Variants in SBNO1 observed in about 807,000 individuals in gnomAD.
SBNO1 encodes the protein protein strawberry notch homolog 1.
SBNO1 carries 23 observed loss-of-function variants against 173.6 expected under a neutral mutation model. That is an observed-to-expected ratio of 0.13 (90% CI 0.10 to 0.19). The LOEUF (loss-of-function observed/expected upper bound fraction) is 0.19. SBNO1 is among the 10% of genes least tolerant of loss of function. SBNO1 has a pLI of 1.00. For missense variants in SBNO1, 1,238 were observed against 1,671.2 expected (o/e 0.74, Z 4.52); for synonymous variants, 632 against 571.5 (o/e 1.11, Z -1.51).
intron 1 of SBNO1, among the ~76,000 whole-genome samples, chr12:123,353,337 G>C (rs1183053988): frequency 1.3e-5 from 2 of 152,182 alleles, no homozygotes; most frequent in African/African-American, 4.8e-5. Context: ...CACGCAGGAA[G>C]TGGTAGAAGA....
intron 1 of SBNO1, among the ~76,000 whole-genome samples, chr12:123,353,405 G>C (rs190907911): frequency 9.2e-5 from 14 of 152,198 alleles, no homozygotes; most frequent in Admixed American, 3.9e-4. Flanking sequence ...CCAATGAGTA[G>C]ATAAAGTTGA....
In SBNO1 at chr12:123,309,874, A is replaced by G; in HGVS notation, c.3296-18T>C. ...GTTATAATCTGTAATGACAAAAGATAAACGTTTTCATGCAAATGATAATTA... is the reference window on the plus strand; with the variant it reads ...GTTATAATCTGTAATGACAAAAGATGAACGTTTTCATGCAAATGATAATTA... On this transcript the variant is annotated intron_variant, in intron 25 of 31. Coordinates refer to ENST00000602398, the MANE Select transcript of SBNO1 (RefSeq NM_001167856.3). 1 of 1,549,442 alleles carries G rather than the reference A, an allele frequency of 6.5e-7. No individual in the cohort carries two copies.
chr12:123,297,919 G>GA lies in SBNO1; in HGVS notation c.4039+58dup, dbSNP rs1403151361. 4.0e-5 allele frequency: 61 copies of GA among 1,519,248 alleles called. No individual in the cohort carries two copies. In the East Asian group the frequency reaches 1.4e-3, roughly 34 times the overall value. 94.1% of individuals were successfully genotyped at this position (1,519,248 alleles called of 1,614,324 possible). ...AATAAAGCTAAGATATTAGCAATGA[G>GA]AAAAAAGTCGGATCCGATTTTTTCC... is the stretch of plus-strand genomic sequence containing the variant. On this transcript the variant is annotated intron_variant, in intron 31 of 31. Coordinates refer to ENST00000602398, the MANE Select transcript of SBNO1 (RefSeq NM_001167856.3).
chr12:123,341,160 G>A, intron 4 of SBNO1, 72 bp from the exon 5 acceptor site: 1 of 916,456 alleles, frequency 1.1e-6, no homozygotes, highest in South Asian at 1.7e-5. Context: ...TAAAAATCCA[G>A]AAGTTTAAGG....
chr12:123,335,634 AT>A (rs1871753077), intron 6 of SBNO1, among the ~76,000 whole-genome samples: 1 of 152,190 alleles, frequency 6.6e-6, no homozygotes, highest in Admixed American at 6.6e-5. Context: ...ACTACTTAAC[AT>A]TGCTGCTGTA....
At chr12:123,327,029 G>A (rs1224668707) in intron 13 of SBNO1, among the ~76,000 whole-genome samples, 2 of 152,044 alleles carry the variant, frequency 1.3e-5, no homozygotes, top group African/African-American at 4.8e-5. Context: ...GTTTTGCGAT[G>A]GAGTATCCCT....
At position 123,294,740 on chromosome 12, in the gene SBNO1, T is replaced by C. The variant is rs2048568057; in HGVS notation, c.*1168A>G. 1 of 158,970 alleles carries C rather than the reference T, an allele frequency of 6.3e-6. No homozygotes were observed. Among genetic ancestry groups the C allele is most frequent in the Non-Finnish European group, 1.4e-5 (1 of 73,840 alleles). 9.8% of individuals were successfully genotyped at this position (158,970 alleles called of 1,614,324 possible). On this transcript the variant is annotated 3_prime_UTR_variant, in exon 32 of 32. Transcript: ENST00000602398. Reference sequence around the variant, plus strand: ...CTCACTTGTTTTTATAAACATCTATTATAGGCGAAACAAAACTTACCCATA... The same window carrying C: ...CTCACTTGTTTTTATAAACATCTATCATAGGCGAAACAAAACTTACCCATA...
At chr12:123,298,212 A>G (rs370250851) in intron 30 of SBNO1, 41 bp from the exon 31 acceptor site, 62 of 1,521,488 alleles carry the variant, frequency 4.1e-5, no homozygotes, top group South Asian at 1.8e-4. Flanking sequence ...GTGTCTATAT[A>G]TGCACACAGA....
intron 5 of SBNO1, 47 bp from the exon 6 acceptor site, chr12:123,336,538 C>T (rs1041106204): frequency 2.3e-5 from 29 of 1,243,198 alleles, no homozygotes; most frequent in African/African-American, 6.0e-5. Flanking sequence ...AGGGACCAGA[C>T]GCCCAGCCAA....
At chr12:123,319,628 C>A (rs1226348098) in intron 20 of SBNO1, among the ~76,000 whole-genome samples, 2 of 150,646 alleles carry the variant, frequency 1.3e-5, no homozygotes, top group Non-Finnish European at 3.0e-5. Flanking sequence ...AGGCTGGTCT[C>A]AAACTCCAGA....
rs1389784906 is a variant in SBNO1 at position 123,320,881 on chromosome 12, A to AAG, written c.2324-17_2324-16dup. On this transcript the variant is annotated splice_polypyrimidine_tract_variant and intron_variant, in intron 17 of 31. Transcript: ENST00000602398. ...TAACCAGGGATCTGAGTGTTAAGGA[A>AAG]AGATACATGTCAAATCATTTGTTAA... 1 of 1,527,542 alleles carries AAG rather than the reference A, an allele frequency of 6.5e-7. No individual in the cohort carries two copies. The highest frequency in any genetic ancestry group is 8.8e-7 in the Non-Finnish European group (1 of 1,131,864). 94.6% of individuals were successfully genotyped at this position (1,527,542 alleles called of 1,614,324 possible). A position where few individuals can be genotyped will look rare whatever the true frequency, so the allele number is the denominator to read the frequency against.
intron 28 of SBNO1, 26 bp from the exon 29 acceptor site, chr12:123,304,745 A>G: frequency 7.2e-7 from 1 of 1,383,948 alleles, no homozygotes. Flanking sequence ...GACAAAATAT[A>G]AAGATTTTAT....
At chr12:123,298,460 G>T (rs1593317493) in intron 30 of SBNO1, among the ~76,000 whole-genome samples, 2 of 152,146 alleles carry the variant, frequency 1.3e-5, no homozygotes, top group African/African-American at 2.4e-5. Flanking sequence ...GTTTTGCCAT[G>T]TTGGGCAGGC....
intron 1 of SBNO1, among the ~76,000 whole-genome samples, chr12:123,356,225 T>C (rs181218759): frequency 6.6e-6 from 1 of 152,264 alleles, no homozygotes; most frequent in Non-Finnish European, 1.5e-5. Flanking sequence ...ATAATACAAA[T>C]AGAACTTCCT....
At chr12:123,320,076 G>A (rs760483645) in intron 19 of SBNO1, 45 bp from the exon 20 acceptor site, 14 of 1,609,308 alleles carry the variant, frequency 8.7e-6, no homozygotes, top group South Asian at 3.3e-5. Flanking sequence ...ATCTGACTGC[G>A]GTGGATGGAC....
In SBNO1 at chr12:123,364,800, A is replaced by AGCAGCG; in HGVS notation, c.-101_-100insCGCTGC. On this transcript the variant is annotated 5_prime_UTR_variant, in exon 1 of 32. Coordinates refer to ENST00000602398, the MANE Select transcript of SBNO1 (RefSeq NM_001167856.3). ...CGGAGGCGGCGGTGGCGGCGGCAGCAGCGGCGTCCTGCTCTGCCTACCTCC... is the reference window on the plus strand; with the variant it reads ...CGGAGGCGGCGGTGGCGGCGGCAGCAGCAGCGGCGGCGTCCTGCTCTGCCTACCTCC... 4 of 987,508 alleles carry AGCAGCG rather than the reference A, an allele frequency of 4.1e-6. No individual in the cohort carries two copies. The highest frequency in any genetic ancestry group is 4.8e-6 in the Non-Finnish European group (4 of 831,298). The allele number at this position is 987,508 out of a possible 1,614,324, so 61.2% of individuals were successfully genotyped here. A position where few individuals can be genotyped will look rare whatever the true frequency, so the allele number is the denominator to read the frequency against.
chr12:123,340,182 C>T (rs1387833912), intron 5 of SBNO1, among the ~76,000 whole-genome samples: 2 of 152,150 alleles, frequency 1.3e-5, no homozygotes, highest in Non-Finnish European at 2.9e-5. Flanking sequence ...AAATATACTT[C>T]TTGTAGAAAC....
chr12:123,332,535 G>C (rs1479452024), intron 7 of SBNO1, among the ~76,000 whole-genome samples: 1 of 150,596 alleles, frequency 6.6e-6, no homozygotes, highest in Non-Finnish European at 1.5e-5. Flanking sequence ...CAGGTGATCC[G>C]CCAGCTTCAG....
At chr12:123,297,004 G>C (rs749466436) in intron 31 of SBNO1, among the ~76,000 whole-genome samples, 9 of 151,872 alleles carry the variant, frequency 5.9e-5, no homozygotes, top group Admixed American at 2.0e-4. Flanking sequence ...CTGATGGGCT[G>C]CTTTTGAAAC....
Sources: gnomAD v4.1 joint callset for allele counts (sites outside exome capture counted in the v4.1 genomes callset) on GRCh38, gnomAD v4.1.1 for gene constraint, MANE v1.5 for transcripts, NCBI Gene and HGNC (gene_info 2026-07-23, HGNC 2026-07-21) for gene names.